Variants in GSPT1 observed in about 807,000 individuals in gnomAD.
GSPT1 encodes the protein eukaryotic peptide chain release factor GTP-binding subunit ERF3A.
GSPT1 carries 20 observed loss-of-function variants against 72.5 expected under a neutral mutation model. The observed-to-expected ratio is 0.28, with a 90% CI of 0.19 to 0.40. The LOEUF (loss-of-function observed/expected upper bound fraction) is 0.40, where lower values mean the gene tolerates loss of function less well. GSPT1 is among the 10% of genes least tolerant of loss of function. The pLI is 1.00. For synonymous variants in GSPT1, 334 were observed against 293.5 expected (o/e 1.14, Z -1.41); for missense variants, 580 against 811.9 (o/e 0.71, Z 3.47).
intron 10 of GSPT1, 75 bp from the exon 11 acceptor site, chr16:11,883,170 T>C (rs1010469565): frequency 2.4e-6 from 2 of 850,588 alleles, no homozygotes; most frequent in Admixed American, 3.9e-5. Flanking sequence ...CAAAGTGAAA[T>C]TCTACACTGC....
At chr16:11,890,368 A>G (rs376744864) in intron 6 of GSPT1, among the ~76,000 whole-genome samples, 2 of 152,206 alleles carry the variant, frequency 1.3e-5, no homozygotes, top group African/African-American at 2.4e-5. Context: ...AATTGCTTCA[A>G]TATCACACTG....
intron 1 of GSPT1, among the ~76,000 whole-genome samples, chr16:11,899,853 G>A (rs1252823378): frequency 6.6e-6 from 1 of 152,072 alleles, no homozygotes; most frequent in Non-Finnish European, 1.5e-5. Context: ...CTTATTACAA[G>A]CTGTGCCTGC....
intron 1 of GSPT1, among the ~76,000 whole-genome samples, chr16:11,903,615 AGGT>A (rs1258616416): frequency 6.6e-6 from 1 of 151,986 alleles, no homozygotes; most frequent in East Asian, 1.9e-4. Context: ...TGAACCCGGG[AGGT>A]GGAGGGAGGC....
At chr16:11,883,247 T>C (rs1243100631) in intron 10 of GSPT1, among the ~76,000 whole-genome samples, 152 bp from the exon 11 acceptor site, 4 of 152,036 alleles carry the variant, frequency 2.6e-5, no homozygotes, top group Non-Finnish European at 5.9e-5. Flanking sequence ...CAGTAACAAA[T>C]ACTCTATAAT....
rs1350015506 is a variant in GSPT1, at chr16:11,868,913, A to G, written c.*4206T>C. 6.6e-6 allele frequency: 1 copy of G among 152,222 alleles called. No individual in the cohort carries two copies. The highest frequency in any genetic ancestry group is 1.5e-5 in the Non-Finnish European group (1 of 68,034). The allele number at this position is 152,222 out of a possible 1,614,324, so 9.4% of individuals were successfully genotyped here. On this transcript the variant is annotated 3_prime_UTR_variant, in exon 15 of 15. Coordinates refer to ENST00000434724, the MANE Select transcript of GSPT1 (RefSeq NM_002094.4). ...TTTTCCCTTATATTGGAGAACATAAAGGTTTTAATTAATCTCCACTCCCAC... is the reference window on the plus strand; with the variant it reads ...TTTTCCCTTATATTGGAGAACATAAGGGTTTTAATTAATCTCCACTCCCAC...
At chr16:11,915,246 G>A in intron 1 of GSPT1, 123 bp downstream of exon 1, 11 of 1,169,396 alleles carry the variant, frequency 9.4e-6, no homozygotes, top group Non-Finnish European at 1.2e-5. Context: ...CCAGGCAGAC[G>A]GCGCCACTGT....
At chr16:11,897,960 T>G (rs1345645992) in intron 2 of GSPT1, 34 bp downstream of exon 2, 1 of 1,503,920 alleles carries the variant, frequency 6.6e-7, no homozygotes, top group Non-Finnish European at 9.1e-7. Context: ...ACCTAATGTT[T>G]TCTCAAGTAG....
rs1486240605 is a variant in GSPT1, at chr16:11,868,381, T to G, written c.*4738A>C. The G allele has an allele frequency of 7.3e-6, 1 of 137,730 alleles. No homozygotes were observed. The highest frequency in any genetic ancestry group is 1.6e-5 in the Non-Finnish European group (1 of 63,908). 8.5% of individuals were successfully genotyped at this position (137,730 alleles called of 1,614,324 possible). On this transcript the variant is annotated 3_prime_UTR_variant, in exon 15 of 15. Transcript: ENST00000434724. ...CCTGTTTTTTTTTTTTTTTTTTAAA[T>G]GAGATCTAGGTATTAACCTGCTGTC...
At chr16:11,880,090 G>A (rs1449771114) in intron 11 of GSPT1, 2 of 152,370 alleles carry the variant, frequency 1.3e-5, no homozygotes, top group Non-Finnish European at 2.9e-5. Context: ...GAATCATACG[G>A]TATTTGTCTT....
chr16:11,904,194 C>CATTTT lies in GSPT1; in HGVS notation c.353-6164_353-6160dup, dbSNP rs199643984. The stretch of plus-strand genomic sequence containing the variant: ...CTCAACACCAACATCATTCCTGACT[C>CATTTT]ATTTTATTTTATTTTATTTTATTTA... On this transcript the variant is annotated intron_variant, in intron 1 of 14. Coordinates refer to ENST00000434724, the MANE Select transcript of GSPT1 (RefSeq NM_002094.4). 1.9e-3 allele frequency: 317 copies of CATTTT among 170,838 alleles called. 4 individuals carry two copies. The East Asian group carries it at 0.047, about 25-fold the overall frequency. The allele number at this position is 170,838 out of a possible 1,614,324, so 10.6% of individuals were successfully genotyped here.
intron 5 of GSPT1, among the ~76,000 whole-genome samples, chr16:11,892,572 T>C (rs1211695249): frequency 1.4e-5 from 2 of 144,270 alleles, no homozygotes; most frequent in African/African-American, 5.2e-5. Context: ...CTCAGGCCTA[T>C]AATCCCAGCA....
chr16:11,912,315 T>C (rs1361205072), intron 1 of GSPT1, among the ~76,000 whole-genome samples: 1 of 139,574 alleles, frequency 7.2e-6, no homozygotes, highest in Non-Finnish European at 1.5e-5. Context: ...GCCATTGCAC[T>C]CCAGCCTGGG....
At chr16:11,883,139 C>T (rs751108786) in intron 10 of GSPT1, 44 bp from the exon 11 acceptor site, 1 of 1,205,426 alleles carries the variant, frequency 8.3e-7, no homozygotes, top group African/African-American at 1.5e-5. Flanking sequence ...CTTCTTGGTG[C>T]TGTATAACAG....
chr16:11,891,310 T>G (rs1428524104), intron 5 of GSPT1, among the ~76,000 whole-genome samples, 171 bp from the exon 6 acceptor site: 1 of 147,878 alleles, frequency 6.8e-6, no homozygotes, highest in Non-Finnish European at 1.5e-5. Context: ...TAACATATTT[T>G]TATATAAAAT....
At position 11,897,878 on chromosome 16, in the gene GSPT1, G is replaced by A; in HGVS notation, c.398C>T (p.Ser133Leu). The A allele has an allele frequency of 6.5e-7, 1 of 1,541,640 alleles. No individual in the cohort carries two copies. The highest frequency in any genetic ancestry group is 8.8e-7 in the Non-Finnish European group (1 of 1,131,894). Residue 133 changes from serine (S) to leucine (L), a missense_variant, in exon 3 of 15, where the codon TCA (serine) becomes TTA (leucine). Around this residue, in one of 6 missense-constraint regions of GSPT1, gnomAD observed 327 missense variants for 298.8 expected, o/e 1.09. Coordinates refer to ENST00000434724, the MANE Select transcript of GSPT1 (RefSeq NM_002094.4). ...SQEEQSLCEG[S>L]NSAVSMELSE... The stretch of plus-strand genomic sequence containing the variant: ...AAGTTCCATGCTAACAGCTGAATTT[G>A]AACCTAGACAAGAGATTGAAATATA...
intron 1 of GSPT1, among the ~76,000 whole-genome samples, chr16:11,899,152 A>T (rs2054375267): frequency 6.6e-6 from 1 of 152,228 alleles, no homozygotes; most frequent in Non-Finnish European, 1.5e-5. Flanking sequence ...AATCATATGA[A>T]TCATGCACAG....
intron 1 of GSPT1, among the ~76,000 whole-genome samples, chr16:11,912,769 AC>A (rs2054576830): frequency 6.6e-6 from 1 of 152,188 alleles, no homozygotes; most frequent in Non-Finnish European, 1.5e-5. Flanking sequence ...ATTTTTATTC[AC>A]TTGGGGACCT....
At chr16:11,904,061 T>A (rs2054453030) in intron 1 of GSPT1, 1 of 228,366 alleles carries the variant, frequency 4.4e-6, no homozygotes, top group Admixed American at 4.1e-5. Flanking sequence ...ACACCATGAA[T>A]GCTCCAAACA....
intron 1 of GSPT1, among the ~76,000 whole-genome samples, chr16:11,902,424 AAAG>A (rs2054422452): frequency 4.0e-5 from 6 of 149,712 alleles, no homozygotes; most frequent in African/African-American, 1.5e-4. Context: ...AAAAAAAAAA[AAAG>A]AGGCAAAACT....
Sources: allele counts gnomAD v4.1 joint callset (sites outside exome capture counted in the v4.1 genomes callset), GRCh38; gene constraint gnomAD v4.1.1; regional missense constraint gnomAD v4.1.1; transcripts MANE v1.5; gene names NCBI Gene and HGNC (gene_info 2026-07-23, HGNC 2026-07-21).